Variants in SPOCK3 observed in about 807,000 individuals in gnomAD.
The protein encoded by SPOCK3 is testican-3.
In SPOCK3, 30 loss-of-function variants were observed where a neutral mutation model predicts 56.6. That is an observed-to-expected ratio of 0.53 (90% CI 0.40 to 0.72). SPOCK3 has a LOEUF of 0.72. Among genes scored for constraint, SPOCK3 ranks in the 30% least tolerant of loss-of-function variants. The probability of loss-of-function intolerance (pLI) is 0.00; values close to 1 mark genes in which losing one functional copy is unlikely to be tolerated. For synonymous variants in SPOCK3, 196 were observed against 183.3 expected (o/e 1.07, Z -0.56); for missense variants, 527 against 530.0 (o/e 0.99, Z 0.06).
At chr4:167,066,564 A>G (rs529220823) in intron 2 of SPOCK3, among the ~76,000 whole-genome samples, 14 of 151,942 alleles carry the variant, frequency 9.2e-5, no homozygotes, top group Non-Finnish European at 1.5e-4. Context: ...ATTCAATTTT[A>G]AATGCAGATT....
At chr4:166,783,423 A>G (rs912439921) in intron 7 of SPOCK3, among the ~76,000 whole-genome samples, 58 of 152,302 alleles carry the variant, frequency 3.8e-4, no homozygotes, top group African/African-American at 1.4e-3. Context: ...TACCTCATGA[A>G]AAAAGGGAAT....
At chr4:166,847,417 A>C (rs1748166885) in intron 6 of SPOCK3, among the ~76,000 whole-genome samples, 1 of 151,798 alleles carries the variant, frequency 6.6e-6, no homozygotes, top group Non-Finnish European at 1.5e-5. Context: ...TTCTAATATC[A>C]TAAGGCACCT....
intron 6 of SPOCK3, among the ~76,000 whole-genome samples, chr4:166,824,973 G>A (rs767528549): frequency 2.3e-4 from 35 of 152,014 alleles, no homozygotes; most frequent in Admixed American, 1.2e-3. Context: ...TTAGTCTCCC[G>A]TAAGAATGGA....
intron 3 of SPOCK3, among the ~76,000 whole-genome samples, chr4:167,009,718 C>A (rs1749836148): frequency 6.6e-6 from 1 of 152,124 alleles, no homozygotes; most frequent in Middle Eastern, 3.4e-3. Context: ...ACAAATAATC[C>A]AATCCACTCA....
chr4:167,234,577 G>A (rs897898902), upstream of SPOCK3: 9 of 220,544 alleles, frequency 4.1e-5, no homozygotes, highest in African/African-American at 4.5e-5. Context: ...CCCTGCGCCC[G>A]GCGCGCTCCC....
At chr4:167,195,361 G>A (rs144176904) in intron 2 of SPOCK3, among the ~76,000 whole-genome samples, 59 of 152,316 alleles carry the variant, frequency 3.9e-4, no homozygotes, top group African/African-American at 1.2e-3. Context: ...TCAGACTAGC[G>A]TAAGCATGCC....
At chr4:167,155,577 C>T (rs1308771926) in intron 2 of SPOCK3, among the ~76,000 whole-genome samples, 1 of 152,152 alleles carries the variant, frequency 6.6e-6, no homozygotes, top group East Asian at 1.9e-4. Context: ...TATTTTTCAA[C>T]TCATTAAAGA....
intron 4 of SPOCK3, among the ~76,000 whole-genome samples, chr4:166,937,497 G>A (rs553243687): frequency 1.3e-3 from 197 of 147,890 alleles, no homozygotes; most frequent in African/African-American, 4.2e-3. Context: ...ATTATTTCTA[G>A]CACATACATT....
At chr4:166,903,199 G>A (rs10020340) in intron 5 of SPOCK3, among the ~76,000 whole-genome samples, 11,530 of 149,482 alleles carry the variant, frequency 0.077, 523 homozygotes, top group Non-Finnish European at 0.1. Flanking sequence ...AATAAATTGT[G>A]AATTTGAGTT....
At chr4:167,089,279 T>C (rs911772739) in intron 2 of SPOCK3, among the ~76,000 whole-genome samples, 2 of 152,066 alleles carry the variant, frequency 1.3e-5, no homozygotes, top group Non-Finnish European at 1.5e-5. Flanking sequence ...TAAGAATGTC[T>C]AGGATGTAGC....
chr4:167,139,190 T>C (rs544831848), intron 2 of SPOCK3, among the ~76,000 whole-genome samples: 13 of 152,076 alleles, frequency 8.5e-5, no homozygotes, highest in East Asian at 3.9e-4. Context: ...TTTAAAACCA[T>C]GTAAGAAAGC....
intron 7 of SPOCK3, among the ~76,000 whole-genome samples, chr4:166,784,946 G>T (rs1009029273): frequency 6.6e-5 from 10 of 152,000 alleles, no homozygotes; most frequent in African/African-American, 2.2e-4. Flanking sequence ...TCACTTTCAA[G>T]AATTATGTAT....
At position 166,773,721 on chromosome 4, in the gene SPOCK3, C is replaced by A. The variant is rs1226319030; in HGVS notation, c.709+18449G>T. Among the ~76,000 whole-genome samples, 3 of 152,100 alleles carry A rather than the reference C, an allele frequency of 2.0e-5. 1 individual carries two copies. Among genetic ancestry groups the A allele is most frequent in the Admixed American group, 2.0e-4 (3 of 15,258 alleles). Reference sequence around the variant, plus strand: ...TGCTGATTCAATTATACTGTTTTAGCTAACATTCCATTAGCTCACAATCTT... The same window carrying A: ...TGCTGATTCAATTATACTGTTTTAGATAACATTCCATTAGCTCACAATCTT... On this transcript the variant is annotated intron_variant, in intron 7 of 10. Coordinates refer to ENST00000357545, the MANE Select transcript of SPOCK3 (RefSeq NM_001040159.2).
At chr4:167,081,514 A>C (rs1478709232) in intron 2 of SPOCK3, among the ~76,000 whole-genome samples, 1 of 152,222 alleles carries the variant, frequency 6.6e-6, no homozygotes, top group African/African-American at 2.4e-5. Context: ...AATAAAGACA[A>C]TACTGACACA....
chr4:167,144,187 T>C (rs556199738), intron 2 of SPOCK3, among the ~76,000 whole-genome samples: 247 of 152,092 alleles, frequency 1.6e-3, no homozygotes, highest in Middle Eastern at 3.4e-3. Context: ...AACTTAAAAG[T>C]CTATGGAACT....
chr4:167,111,046 T>A (rs1760860330), intron 2 of SPOCK3, among the ~76,000 whole-genome samples: 1 of 151,974 alleles, frequency 6.6e-6, no homozygotes, highest in Non-Finnish European at 1.5e-5. Flanking sequence ...AAAAAAGAAA[T>A]ATAATTTAAT....
intron 7 of SPOCK3, among the ~76,000 whole-genome samples, chr4:166,770,924 T>C (rs1009813043): frequency 3.3e-5 from 5 of 151,608 alleles, no homozygotes; most frequent in African/African-American, 1.2e-4. Context: ...GTGACATGAA[T>C]GAGATTTCAG....
chr4:166,917,296 C>T (rs948957315), intron 4 of SPOCK3, among the ~76,000 whole-genome samples: 4 of 151,926 alleles, frequency 2.6e-5, no homozygotes, highest in East Asian at 1.9e-4. Context: ...TCTTAAGGTC[C>T]TAAATATGCA....
chr4:166,887,691 C>G (rs1031808081), intron 6 of SPOCK3, among the ~76,000 whole-genome samples: 4 of 151,864 alleles, frequency 2.6e-5, no homozygotes, highest in Non-Finnish European at 4.4e-5. Context: ...GGTAGTTAAA[C>G]TTAGACTGGG....
Sources: allele counts gnomAD v4.1 joint callset (sites outside exome capture counted in the v4.1 genomes callset), GRCh38; gene constraint gnomAD v4.1.1; transcripts MANE v1.5; gene names NCBI Gene and HGNC (gene_info 2026-07-23, HGNC 2026-07-21).